Variants in MEOX2 observed in about 807,000 individuals in gnomAD.
MEOX2 encodes the protein homeobox protein MOX-2.
In MEOX2, 11 loss-of-function variants were observed where a neutral mutation model predicts 27.0. That is an observed-to-expected ratio of 0.41 (90% CI 0.26 to 0.68). The LOEUF is 0.68. Among genes scored for constraint, MEOX2 ranks in the 30% least tolerant of loss-of-function variants. The pLI, the probability that MEOX2 is intolerant of heterozygous loss-of-function variation, is 0.33. For synonymous variants in MEOX2, 189 were observed against 155.4 expected (o/e 1.22, Z -1.61); for missense variants, 436 against 385.4 (o/e 1.13, Z -1.10).
chr7:15,656,830 T>C (rs1286708231), intron 1 of MEOX2, among the ~76,000 whole-genome samples: 1 of 152,048 alleles, frequency 6.6e-6, no homozygotes, highest in Non-Finnish European at 1.5e-5. Flanking sequence ...CTTTATCATT[T>C]CTTTTTTGTC....
intron 1 of MEOX2, among the ~76,000 whole-genome samples, chr7:15,664,372 G>C (rs1158231759): frequency 6.6e-6 from 1 of 151,786 alleles, no homozygotes; most frequent in Non-Finnish European, 1.5e-5. Context: ...CTATTAAATT[G>C]CTAGTGAGAA....
chr7:15,651,759 A>G (rs1781735184), intron 1 of MEOX2, among the ~76,000 whole-genome samples: 1 of 151,668 alleles, frequency 6.6e-6, no homozygotes, highest in Admixed American at 6.6e-5. Context: ...TCTACTGAAA[A>G]AAAGGAAAAA....
intron 2 of MEOX2, among the ~76,000 whole-genome samples, chr7:15,625,769 C>T (rs1417755298): frequency 6.6e-6 from 1 of 152,036 alleles, no homozygotes; most frequent in African/African-American, 2.4e-5. Flanking sequence ...AGATTCTCCT[C>T]AGGGAAACAA....
At chr7:15,670,326 A>G (rs187615476) in intron 1 of MEOX2, among the ~76,000 whole-genome samples, 39 of 152,322 alleles carry the variant, frequency 2.6e-4, no homozygotes, top group Non-Finnish European at 1.5e-5. Context: ...GCATTTGGTA[A>G]AATACTACTC....
chr7:15,642,291 G>A (rs780171642), intron 1 of MEOX2, among the ~76,000 whole-genome samples: 4 of 152,032 alleles, frequency 2.6e-5, no homozygotes, highest in Non-Finnish European at 4.4e-5. Flanking sequence ...CATATTTCTG[G>A]AAGTCTTTGT....
intron 1 of MEOX2, chr7:15,679,771 T>C (rs1469992769): frequency 2.0e-5 from 3 of 152,020 alleles, no homozygotes; most frequent in Non-Finnish European, 4.4e-5. Context: ...TCTAATTCTA[T>C]TGATAAAACA....
At chr7:15,616,657 T>C (rs1335005116) in intron 2 of MEOX2, among the ~76,000 whole-genome samples, 1 of 152,048 alleles carries the variant, frequency 6.6e-6, no homozygotes, top group South Asian at 2.1e-4. Flanking sequence ...TTTTATTTAC[T>C]AAAAAATAAG....
intron 1 of MEOX2, among the ~76,000 whole-genome samples, chr7:15,659,209 C>T (rs1781870050): frequency 6.6e-6 from 1 of 151,938 alleles, no homozygotes; most frequent in Admixed American, 6.6e-5. Context: ...AAGCAGAAGT[C>T]CAAAAATTTA....
chr7:15,650,548 C>G (rs1274235069), intron 1 of MEOX2, among the ~76,000 whole-genome samples: 2 of 151,954 alleles, frequency 1.3e-5, no homozygotes, highest in African/African-American at 4.8e-5. Flanking sequence ...AATGCCATAT[C>G]TTGTGAATAT....
chr7:15,680,220 T>C (rs931492605), intron 1 of MEOX2: 3 of 151,944 alleles, frequency 2.0e-5, no homozygotes, highest in Non-Finnish European at 4.4e-5. Flanking sequence ...ATACTTATTC[T>C]GAAACATAAA....
chr7:15,642,710 G>C (rs1781581402), intron 1 of MEOX2, among the ~76,000 whole-genome samples: 1 of 152,170 alleles, frequency 6.6e-6, no homozygotes, highest in Non-Finnish European at 1.5e-5. Context: ...AATTATTTAT[G>C]CTGGTTCCTT....
At chr7:15,643,589 C>T (rs1781596489) in intron 1 of MEOX2, among the ~76,000 whole-genome samples, 1 of 152,184 alleles carries the variant, frequency 6.6e-6, no homozygotes, top group Admixed American at 6.5e-5. Context: ...GGCCTGAGCT[C>T]ATCCCAAGGT....
chr7:15,672,692 A>G (rs1280961390), intron 1 of MEOX2, among the ~76,000 whole-genome samples: 3 of 152,142 alleles, frequency 2.0e-5, no homozygotes, highest in South Asian at 2.1e-4. Flanking sequence ...GGAGATCAAG[A>G]CCATCCTGGC....
At chr7:15,662,485 C>A (rs1284198086) in intron 1 of MEOX2, among the ~76,000 whole-genome samples, 7 of 151,762 alleles carry the variant, frequency 4.6e-5, no homozygotes, top group East Asian at 1.9e-4. Context: ...GTCAGCAGAA[C>A]AGAACTTTTG....
chr7:15,669,441 A>T (rs1302110197), intron 1 of MEOX2, among the ~76,000 whole-genome samples: 1 of 152,262 alleles, frequency 6.6e-6, no homozygotes, highest in Non-Finnish European at 1.5e-5. Flanking sequence ...TCTAACGTGA[A>T]TATGTCCAGT....
Position 15,612,338 on chromosome 7 carries a change from G to A in MEOX2, c.*49C>T. 7.0e-7 allele frequency: 1 copy of A among 1,435,108 alleles called. No homozygotes were observed. The highest frequency in any genetic ancestry group is 9.8e-7 in the Non-Finnish European group (1 of 1,019,022). The allele number at this position is 1,435,108 out of a possible 1,614,324, so 88.9% of individuals were successfully genotyped here. On this transcript the variant is annotated 3_prime_UTR_variant, in exon 3 of 3. Transcript: ENST00000262041. ...TGTAAACGATATTTGGGTAAGGCTT[G>A]CCATCACAACATTTCTTTCCTGAGA... is the stretch of plus-strand genomic sequence containing the variant.
chr7:15,681,419 G>A (rs1254175695), intron 1 of MEOX2: 1 of 151,460 alleles, frequency 6.6e-6, no homozygotes, highest in South Asian at 2.1e-4. Context: ...GCTTATATAT[G>A]GTGATGTTTT....
intron 1 of MEOX2, among the ~76,000 whole-genome samples, chr7:15,678,334 T>A (rs1170872453): frequency 6.6e-6 from 1 of 152,216 alleles, no homozygotes. Flanking sequence ...AAAGCATTAT[T>A]TATATGGTTC....
rs1781028930 is a variant in MEOX2, at chr7:15,611,456, T to C, written c.*931A>G. The C allele has an allele frequency of 6.5e-6, 1 of 152,770 alleles. No homozygotes were observed. The highest frequency in any genetic ancestry group is 2.4e-5 in the African/African-American group (1 of 41,590). The allele number at this position is 152,770 out of a possible 1,614,324, so 9.5% of individuals were successfully genotyped here. A position where few individuals can be genotyped will look rare whatever the true frequency, so the allele number is the denominator to read the frequency against. On this transcript the variant is annotated 3_prime_UTR_variant, in exon 3 of 3. Coordinates refer to ENST00000262041, the MANE Select transcript of MEOX2 (RefSeq NM_005924.5). The stretch of plus-strand genomic sequence containing the variant: ...AATCATATTCATACAGCTAATATTT[T>C]ACAGAAATAAAATAAGACAATGTCT...
Sources: allele counts gnomAD v4.1 joint callset (sites outside exome capture counted in the v4.1 genomes callset), GRCh38; gene constraint gnomAD v4.1.1; transcripts MANE v1.5; gene names NCBI Gene and HGNC (gene_info 2026-07-23, HGNC 2026-07-21).